The following PKNOX2 variants were observed in gnomAD, a reference collection of about 807,000 sequenced individuals.
The protein encoded by PKNOX2 is homeobox protein PKNOX2.
In PKNOX2, 14 loss-of-function variants were observed where a neutral mutation model predicts 53.1. The ratio of observed to expected loss-of-function variants is 0.26; its 90% CI spans 0.17 to 0.41. The LOEUF (loss-of-function observed/expected upper bound fraction) is 0.41, where lower values mean the gene tolerates loss of function less well. PKNOX2 is among the 10% of genes least tolerant of loss of function. The pLI is 1.00. For synonymous variants in PKNOX2, 257 were observed against 242.8 expected (o/e 1.06, Z -0.54); for missense variants, 496 against 602.8 (o/e 0.82, Z 1.85).
chr11:125,336,170 T>C (rs1353518781), intron 3 of PKNOX2, among the ~76,000 whole-genome samples: 1 of 152,140 alleles, frequency 6.6e-6, no homozygotes, highest in Non-Finnish European at 1.5e-5. Context: ...TAGAAGTATG[T>C]GTGAGAGGAA....
chr11:125,322,853 G>T (rs1228926020), intron 2 of PKNOX2, among the ~76,000 whole-genome samples: 1 of 152,188 alleles, frequency 6.6e-6, no homozygotes, highest in Admixed American at 6.5e-5. Flanking sequence ...CTGTAAAATG[G>T]GTATATTGAT....
At chr11:125,318,621 C>T (rs1454720662) in intron 2 of PKNOX2, among the ~76,000 whole-genome samples, 3 of 152,200 alleles carry the variant, frequency 2.0e-5, no homozygotes, top group African/African-American at 7.2e-5. Context: ...TGGAGTAGCA[C>T]TTTAAACTTC....
At chr11:125,295,160 G>A (rs76830801) in intron 2 of PKNOX2, among the ~76,000 whole-genome samples, 138 of 152,250 alleles carry the variant, frequency 9.1e-4, no homozygotes, top group Non-Finnish European at 1.9e-3. Context: ...ATGAGAGGAG[G>A]AACAAACCAA....
At chr11:125,318,273 A>ATT (rs906412845) in intron 2 of PKNOX2, among the ~76,000 whole-genome samples, 2,843 of 133,368 alleles carry the variant, frequency 0.021, 94 homozygotes, top group African/African-American at 0.073. Flanking sequence ...TGCCTGGCTA[A>ATT]TTTTTTTTTT....
intron 1 of PKNOX2, among the ~76,000 whole-genome samples, chr11:125,233,461 G>C (rs776556261): frequency 6.6e-6 from 1 of 152,216 alleles, no homozygotes; most frequent in Non-Finnish European, 1.5e-5. Flanking sequence ...ACTCTGCTTG[G>C]AATGATGAGA....
intron 7 of PKNOX2, among the ~76,000 whole-genome samples, chr11:125,404,128 T>A (rs1026916499): frequency 1.3e-5 from 2 of 152,050 alleles, no homozygotes; most frequent in African/African-American, 2.4e-5. Flanking sequence ...TAGGGGGCAA[T>A]CTACCCTGGA....
At chr11:125,317,807 G>A (rs982069156) in intron 2 of PKNOX2, among the ~76,000 whole-genome samples, 2 of 152,164 alleles carry the variant, frequency 1.3e-5, no homozygotes. Flanking sequence ...CAGCTGCATT[G>A]GCCAGTAATA....
chr11:125,411,973 C>A lies in PKNOX2; in HGVS notation c.936+108C>A, dbSNP rs1253001647. 10 of 1,530,086 alleles carry A rather than the reference C, an allele frequency of 6.5e-6. 1 individual carries two copies. In the African/African-American group the frequency reaches 1.2e-4, roughly 19 times the overall value. The allele number at this position is 1,530,086 out of a possible 1,614,324, so 94.8% of individuals were successfully genotyped here. A position where few individuals can be genotyped will look rare whatever the true frequency, so the allele number is the denominator to read the frequency against. On this transcript the variant is annotated intron_variant, in intron 10 of 12. Coordinates refer to ENST00000298282, the MANE Select transcript of PKNOX2 (RefSeq NM_001382323.2). ...GCTCCAAACCCACAGACAGAGGGCG[C>A]GGCCTCGGGGAGAGCTCTCTGATAG...
intron 1 of PKNOX2, among the ~76,000 whole-genome samples, chr11:125,210,452 G>A (rs1381010955): frequency 6.6e-6 from 1 of 152,156 alleles, no homozygotes; most frequent in African/African-American, 2.4e-5. Flanking sequence ...TCTGCTGTGG[G>A]CACAAATGTG....
chr11:125,355,565 C>T (rs1312714594), intron 4 of PKNOX2, among the ~76,000 whole-genome samples: 1 of 152,174 alleles, frequency 6.6e-6, no homozygotes, highest in Non-Finnish European at 1.5e-5. Context: ...TGGATGTGAA[C>T]TAGGTGTGTG....
intron 8 of PKNOX2, 31 bp from the exon 9 acceptor site, chr11:125,410,748 C>G (rs1289556029): frequency 6.4e-7 from 1 of 1,566,324 alleles, no homozygotes; most frequent in African/African-American, 1.4e-5. Context: ...ACTCCCATGG[C>G]AGGGGACCCC....
intron 2 of PKNOX2, among the ~76,000 whole-genome samples, chr11:125,278,904 A>G (rs1181263233): frequency 6.6e-6 from 1 of 152,172 alleles, no homozygotes; most frequent in Non-Finnish European, 1.5e-5. Flanking sequence ...GCAGGCATAG[A>G]GTTTGTGGAT....
At chr11:125,254,664 C>T (rs958125485) in intron 2 of PKNOX2, among the ~76,000 whole-genome samples, 4 of 152,170 alleles carry the variant, frequency 2.6e-5, no homozygotes, top group Admixed American at 2.0e-4. Context: ...ACCTGTCATC[C>T]GAGCTGGGTC....
chr11:125,275,194 G>A (rs184082008), intron 2 of PKNOX2, among the ~76,000 whole-genome samples: 2 of 152,318 alleles, frequency 1.3e-5, no homozygotes, highest in African/African-American at 4.8e-5. Flanking sequence ...AGAGTGTCTG[G>A]GCTGGGTGTT....
intron 5 of PKNOX2, among the ~76,000 whole-genome samples, chr11:125,382,421 C>A (rs1953311655): frequency 6.6e-6 from 1 of 152,206 alleles, no homozygotes; most frequent in African/African-American, 2.4e-5. Context: ...GGGGTTGCAG[C>A]GGGGGCCGCA....
chr11:125,201,280 G>T (rs780619747), intron 1 of PKNOX2, among the ~76,000 whole-genome samples: 48 of 152,208 alleles, frequency 3.2e-4, no homozygotes, highest in Admixed American at 1.1e-3. Flanking sequence ...TCTGAGTGAA[G>T]CCCCCTCACT....
At position 125,397,784 on chromosome 11, in the gene PKNOX2, C is replaced by T. The variant is rs1024589822; in HGVS notation, c.400-90C>T. On this transcript the variant is annotated intron_variant, in intron 6 of 12. Transcript: ENST00000298282. ...ATGAGCTACGGCAGGGGGTGGGCTCCCCTCCCCTGGGGTGGTGGGGGCTGG... is the reference window on the plus strand; with the variant it reads ...ATGAGCTACGGCAGGGGGTGGGCTCTCCTCCCCTGGGGTGGTGGGGGCTGG... 7.0e-5 allele frequency: 96 copies of T among 1,371,442 alleles called. No homozygotes were observed. In the South Asian group the frequency reaches 1.2e-3, roughly 17 times the overall value. 85.0% of individuals were successfully genotyped at this position (1,371,442 alleles called of 1,614,324 possible). A position where few individuals can be genotyped will look rare whatever the true frequency, so the allele number is the denominator to read the frequency against.
intron 1 of PKNOX2, among the ~76,000 whole-genome samples, chr11:125,222,605 C>CTGTGTGTGTGTGTGTG (rs1010713566): frequency 1.4e-5 from 2 of 140,672 alleles, no homozygotes; most frequent in African/African-American, 5.2e-5. Context: ...GTGTGTGTGT[C>CTGTGTGTGTGTGTGTG]TGTGTGTATG....
chr11:125,226,787 T>A (rs1165080736), intron 1 of PKNOX2, among the ~76,000 whole-genome samples: 1 of 151,746 alleles, frequency 6.6e-6, no homozygotes, highest in African/African-American at 2.4e-5. Flanking sequence ...TTTTTTTTTT[T>A]AATCCTAAAT....
Sources: gnomAD v4.1 joint callset for allele counts (sites outside exome capture counted in the v4.1 genomes callset) on GRCh38, gnomAD v4.1.1 for gene constraint, MANE v1.5 for transcripts, NCBI Gene and HGNC (gene_info 2026-07-23, HGNC 2026-07-21) for gene names.